CIP2A: variants seen among roughly 807,000 people sequenced by gnomAD.
The protein encoded by CIP2A is cellular inhibitor of PP2A, also known as protein CIP2A.
In CIP2A, 103 loss-of-function variants were observed where a neutral mutation model predicts 110.9. The ratio of observed to expected loss-of-function variants is 0.93; its 90% confidence interval spans 0.79 to 1.09. CIP2A has a LOEUF of 1.09. CIP2A is among the 50% of genes least tolerant of loss of function. CIP2A has a pLI of 0.00. For synonymous variants in CIP2A, 381 were observed against 361.6 expected, an observed-to-expected ratio of 1.05 and a Z score of -0.61; for missense variants, 1,088 against 1,038.4, an observed-to-expected ratio of 1.05 and a Z score of -0.66.
chr3:108,554,236 T>A, intron 18 of CIP2A, 140 bp downstream of exon 18: 1 of 514,548 alleles, frequency 1.9e-6, no homozygotes, highest in Non-Finnish European at 3.4e-6. Flanking sequence ...GCCTGTAACT[T>A]CCACCAAATA....
chr3:108,584,963 G>T, intron 2 of CIP2A, 102 bp downstream of exon 2: 1 of 1,093,488 alleles, frequency 9.1e-7, no homozygotes. Context: ...AGAAGTCTTT[G>T]AAGGTGAATC....
intron 7 of CIP2A, 69 bp from the exon 8 acceptor site, chr3:108,576,415 A>G (rs991314340): frequency 1.7e-5 from 14 of 803,634 alleles, no homozygotes; most frequent in Non-Finnish European, 2.6e-5. Flanking sequence ...GGATTTATCT[A>G]CAAGATAAAT....
At chr3:108,553,239 A>G (rs1204572515) in intron 19 of CIP2A, among the ~76,000 whole-genome samples, 1 of 140,254 alleles carries the variant, frequency 7.1e-6, no homozygotes, top group African/African-American at 2.7e-5. Context: ...AGATTCTCCC[A>G]CTGTAGCTTC....
At chr3:108,553,116 CTTTTGTT>C (rs1559687195) in intron 19 of CIP2A, among the ~76,000 whole-genome samples, 2 of 131,110 alleles carry the variant, frequency 1.5e-5, no homozygotes, top group Non-Finnish European at 3.1e-5. Flanking sequence ...CATCTCTTTC[CTTTTGTT>C]TTTTTTTTTT....
chr3:108,569,181 T>TATATATATAC lies in CIP2A; in HGVS notation c.1113+207_1113+208insGTATATATAT. On this transcript the variant is annotated intron_variant, in intron 9 of 20. Transcript: ENST00000295746. ...CTGAAATGAGCACTATATATATATATACATACACACTACTCAGTGAAAAAA... is the reference window on the plus strand; with the variant it reads ...CTGAAATGAGCACTATATATATATATATATATATACACATACACACTACTCAGTGAAAAAA... Among the ~76,000 whole-genome samples, 17 of 58,282 alleles carry TATATATATAC rather than the reference T, an allele frequency of 2.9e-4. 3 individuals carry two copies. The highest frequency in any genetic ancestry group is 2.7e-3 in the East Asian group (4 of 1,494). The allele number at this position is 58,282 out of a possible 152,430, so 38.2% of individuals were successfully genotyped here.
At chr3:108,583,144 C>A in intron 2 of CIP2A, 61 bp from the exon 3 acceptor site, 3 of 854,828 alleles carry the variant, frequency 3.5e-6, no homozygotes, top group South Asian at 4.8e-5. Context: ...GCAGATAATT[C>A]ATACAGAATT....
chr3:108,582,929 T>A, intron 3 of CIP2A, 48 bp downstream of exon 3: 1 of 1,132,368 alleles, frequency 8.8e-7, no homozygotes, highest in Non-Finnish European at 1.3e-6. Flanking sequence ...ACTATCAATT[T>A]TGATCTGACA....
intron 1 of CIP2A, among the ~76,000 whole-genome samples, chr3:108,587,977 C>T (rs1250716440): frequency 6.6e-6 from 1 of 152,076 alleles, no homozygotes; most frequent in Non-Finnish European, 1.5e-5. Context: ...CGGGGTTTCG[C>T]ATGTTGGTCA....
chr3:108,580,306 T>C (rs527612947), intron 5 of CIP2A, among the ~76,000 whole-genome samples: 76 of 152,316 alleles, frequency 5.0e-4, no homozygotes, highest in African/African-American at 1.8e-3. Context: ...CTGACAGTCA[T>C]ATAGATAGCC....
In CIP2A at chr3:108,560,794, G is replaced by A. The variant is rs758649246; in HGVS notation, c.1682C>T (p.Thr561Ile). ...GGGCATTTTTCTGGGTATATGTTCT[G>A]TTTCCTGTTGTCTATAGGCATTGTT... ...AANNAYRQQE[T>I]EHIPRKMPWQ... is the part of the protein sequence containing the mutation. Residue 561 changes from threonine (T) to isoleucine (I), a missense_variant, in exon 14 of 21, where the codon ACA becomes ATA. Thr to Ile is a moderately conservative substitution (Grantham distance 89). Transcript: ENST00000295746. The A allele has an allele frequency of 3.7e-6, 6 of 1,611,718 alleles. No homozygotes were observed. The highest frequency in any genetic ancestry group is 2.2e-5 in the South Asian group (2 of 90,682).
intron 12 of CIP2A, among the ~76,000 whole-genome samples, chr3:108,564,830 G>A (rs1212943186): frequency 6.6e-6 from 1 of 151,824 alleles, no homozygotes; most frequent in African/African-American, 2.4e-5. Flanking sequence ...AAGCCAGTTA[G>A]AACTTTGAAC....
intron 1 of CIP2A, among the ~76,000 whole-genome samples, chr3:108,587,060 G>A (rs190568743): frequency 2.0e-5 from 3 of 152,292 alleles, no homozygotes; most frequent in Admixed American, 6.5e-5. Context: ...GTGTGGATAA[G>A]TGATGGTAAA....
At position 108,581,531 on chromosome 3, in the gene CIP2A, TTTTG is replaced by T. The variant is rs1420868569; in HGVS notation, c.453-24_453-21del. On this transcript the variant is annotated intron_variant, in intron 4 of 20. Coordinates refer to ENST00000295746, the MANE Select transcript of CIP2A (RefSeq NM_020890.3). ...GATTGACTGTTGTTTTACATTGGTG[TTTTG>T]TTTAAAGAAAAAATAGTAAAAGAAA... 5 of 1,473,944 alleles carry T rather than the reference TTTTG, an allele frequency of 3.4e-6. No individual in the cohort carries two copies. The highest frequency in any genetic ancestry group is 1.4e-5 in the African/African-American group (1 of 71,820). 91.3% of individuals were successfully genotyped at this position (1,473,944 alleles called of 1,614,324 possible).
chr3:108,575,517 TAC>T (rs1237557894), intron 8 of CIP2A, among the ~76,000 whole-genome samples: 1 of 148,418 alleles, frequency 6.7e-6, no homozygotes, highest in Non-Finnish European at 1.5e-5. Context: ...TATATACACA[TAC>T]ATATATACAC....
At position 108,575,595 on chromosome 3, in the gene CIP2A, CGT is replaced by C. The variant is rs1166203807; in HGVS notation, c.894+674_894+675del. On this transcript the variant is annotated intron_variant, in intron 8 of 20. Transcript: ENST00000295746. ...ATACTCATATACATGTGTATATATA[CGT>C]GTATATATACTCATATACATGTGTA... 5.1e-5 allele frequency among the ~76,000 whole-genome samples: 7 copies of C among 138,594 alleles called. No individual in the cohort carries two copies. In the East Asian group the frequency reaches 6.3e-4, roughly 13 times the overall value. The allele number at this position is 138,594 out of a possible 152,430, so 90.9% of individuals were successfully genotyped here.
At chr3:108,586,433 T>C (rs1939040830) in intron 1 of CIP2A, among the ~76,000 whole-genome samples, 1 of 152,226 alleles carries the variant, frequency 6.6e-6, no homozygotes, top group African/African-American at 2.4e-5. Flanking sequence ...GGATTGGTCC[T>C]GTATCTCATT....
At chr3:108,587,065 G>T (rs1576322453) in intron 1 of CIP2A, among the ~76,000 whole-genome samples, 1 of 152,118 alleles carries the variant, frequency 6.6e-6, no homozygotes, top group Admixed American at 6.5e-5. Context: ...GATAAGTGAT[G>T]GTAAATTTCA....
In CIP2A at chr3:108,583,009, G is replaced by A. The variant is rs779731478; in HGVS notation, c.325C>T (p.Arg109Trp). Reference sequence around the variant, plus strand: ...AACACCGAATCAGTGTGGCTGCTCCGACAAACCACTCCCGCCAGCACACTA... The same window carrying A: ...AACACCGAATCAGTGTGGCTGCTCCAACAAACCACTCCCGCCAGCACACTA... ...LNSVLAGVVC[R>W]SSHTDSVFLQ... Residue 109 changes from arginine (R) to tryptophan (W), a missense_variant, in exon 3 of 21, where the codon CGG becomes TGG. By Grantham distance (101) the Arg-to-Trp change is moderately radical (BLOSUM62 -3). Transcript: ENST00000295746. 2.6e-5 allele frequency: 42 copies of A among 1,610,080 alleles called. No individual in the cohort carries two copies. Among genetic ancestry groups the A allele is most frequent in the Middle Eastern group, 1.6e-4 (1 of 6,080 alleles).
chr3:108,563,067 G>A (rs1938060906), intron 13 of CIP2A, 59 bp downstream of exon 13: 6 of 1,049,950 alleles, frequency 5.7e-6, no homozygotes, highest in Admixed American at 1.7e-5. Flanking sequence ...GAGGACTAAA[G>A]AGACATAGCA....
Sources: allele counts gnomAD v4.1 joint callset (sites outside exome capture counted in the v4.1 genomes callset), GRCh38; gene constraint gnomAD v4.1.1; transcripts MANE v1.5; gene names NCBI Gene and HGNC (gene_info 2026-07-23, HGNC 2026-07-21).